Variants in PDE1C observed in about 807,000 individuals in gnomAD.
PDE1C encodes dual specificity calcium/calmodulin-dependent 3',5'-cyclic nucleotide phosphodiesterase 1C.
In PDE1C, 62 loss-of-function variants were observed where a neutral mutation model predicts 93.1. That is an observed-to-expected ratio of 0.67 (90% CI 0.54 to 0.82). The LOEUF is 0.82. PDE1C is among the 40% of genes least tolerant of loss of function. The pLI is 0.00. For synonymous variants in PDE1C, 325 were observed against 310.1 expected (o/e 1.05, Z -0.50); for missense variants, 742 against 884.6 (o/e 0.84, Z 2.04).
intron 2 of PDE1C, among the ~76,000 whole-genome samples, chr7:32,045,390 A>C (rs1792408816): frequency 6.6e-6 from 1 of 152,134 alleles, no homozygotes; most frequent in African/African-American, 2.4e-5. Context: ...TAAACTGGAC[A>C]CATTCTCATG....
chr7:32,207,838 G>A (rs777994759), intron 2 of PDE1C, among the ~76,000 whole-genome samples: 9 of 152,180 alleles, frequency 5.9e-5, no homozygotes, highest in Non-Finnish European at 8.8e-5. Flanking sequence ...TGCAAGGACC[G>A]CCCTCCCCCC....
At chr7:31,707,558 A>G in the PDE1C span, 1 of 379,718 alleles carries the variant, frequency 2.6e-6, no homozygotes. Context: ...TAACAGGGAA[A>G]GCACTGGGGT....
the PDE1C span, among the ~76,000 whole-genome samples, chr7:31,700,421 A>G: frequency 6.6e-6 from 1 of 152,338 alleles, no homozygotes; most frequent in South Asian, 2.1e-4. Context: ...AGCAGAGAAG[A>G]AAAGTTGGAA....
At chr7:32,030,227 G>C (rs1232102679) in intron 2 of PDE1C, among the ~76,000 whole-genome samples, 2 of 151,804 alleles carry the variant, frequency 1.3e-5, no homozygotes, top group Non-Finnish European at 2.9e-5. Context: ...CTTCTCAGTA[G>C]TATTTTTTTA....
chr7:31,906,606 A>G (rs115018098), intron 2 of PDE1C, among the ~76,000 whole-genome samples: 1,575 of 152,296 alleles, frequency 0.01, 12 homozygotes, highest in South Asian at 0.031. Context: ...ATAGGCTACA[A>G]AGAGAAGGGA....
intron 3 of PDE1C, among the ~76,000 whole-genome samples, chr7:32,165,496 G>A (rs1256126671): frequency 6.6e-6 from 1 of 152,162 alleles, no homozygotes; most frequent in Non-Finnish European, 1.5e-5. Flanking sequence ...GGAGGCCTCA[G>A]GAAACTTACA....
At chr7:32,123,525 T>C (rs1306771221) in intron 3 of PDE1C, among the ~76,000 whole-genome samples, 3 of 152,258 alleles carry the variant, frequency 2.0e-5, no homozygotes, top group Admixed American at 1.3e-4. Flanking sequence ...GTTGGCTTCA[T>C]CCCTGGGATG....
chr7:31,924,039 A>C (rs774817724), intron 2 of PDE1C, among the ~76,000 whole-genome samples: 3 of 152,234 alleles, frequency 2.0e-5, no homozygotes, highest in Non-Finnish European at 2.9e-5. Flanking sequence ...CTTGAGTTTT[A>C]AAATCCTGAT....
At chr7:32,170,010 T>G in intron 2 of PDE1C, 2 of 1,493,266 alleles carry the variant, frequency 1.3e-6, no homozygotes, top group Non-Finnish European at 1.8e-6. Context: ...GTTGACTCCA[T>G]GTCCTGCCTT....
the PDE1C span, among the ~76,000 whole-genome samples, chr7:31,687,538 G>A: frequency 1.3e-5 from 2 of 152,216 alleles, no homozygotes; most frequent in African/African-American, 4.8e-5. Context: ...CATTTGCAAA[G>A]TTTCAAGATG....
rs1791235406 is a variant in PDE1C, at chr7:31,837,282, G to C, written c.1101C>G (p.Ala367=). The change falls in exon 11 of 18, where the codon GCC becomes GCG. Residue 367 remains alanine (A), a synonymous_variant. Transcript: ENST00000396191. ...QQPEAIEKPK[A]LSLMLHTADI... The stretch of plus-strand genomic sequence containing the variant: ...CTGCTGTATGCAGCATAAGGGATAA[G>C]GCTTTTGGCTTTTCAATGCTGTAAA... 6.2e-7 allele frequency: 1 copy of C among 1,611,304 alleles called. No individual in the cohort carries two copies. Among genetic ancestry groups the C allele is most frequent in the East Asian group, 2.2e-5 (1 of 44,700 alleles).
At chr7:31,702,167 G>C in the PDE1C span, among the ~76,000 whole-genome samples, 1 of 151,234 alleles carries the variant, frequency 6.6e-6, no homozygotes, top group Admixed American at 6.6e-5. Context: ...TTCTGCCTTA[G>C]AATTGTGATA....
intron 17 of PDE1C, among the ~76,000 whole-genome samples, chr7:31,774,576 A>G (rs1202463683): frequency 6.6e-6 from 1 of 152,272 alleles, no homozygotes; most frequent in Non-Finnish European, 1.5e-5. Context: ...ACTTATGTAC[A>G]AGAATGTAAG....
intron 3 of PDE1C, among the ~76,000 whole-genome samples, chr7:32,091,843 A>G (rs964037882): frequency 3.3e-5 from 5 of 152,198 alleles, no homozygotes; most frequent in Non-Finnish European, 7.3e-5. Context: ...TGGGTTGAGA[A>G]TAGACCATGA....
At chr7:32,054,307 A>G (rs1304496103) in intron 1 of PDE1C, among the ~76,000 whole-genome samples, 1 of 152,054 alleles carries the variant, frequency 6.6e-6, no homozygotes, top group Admixed American at 6.5e-5. Flanking sequence ...ACCTAACTTC[A>G]CCCACACTAG....
At chr7:32,008,430 A>T (rs1731400232) in intron 2 of PDE1C, among the ~76,000 whole-genome samples, 1 of 152,182 alleles carries the variant, frequency 6.6e-6, no homozygotes, top group Admixed American at 6.5e-5. Context: ...TAGACAAAGG[A>T]ACTCGAGGTC....
the PDE1C span, among the ~76,000 whole-genome samples, chr7:31,663,174 G>T: frequency 2.6e-5 from 4 of 152,128 alleles, no homozygotes; most frequent in African/African-American, 9.7e-5. Flanking sequence ...GCTCTGGCTA[G>T]AAAACTGTGG....
At chr7:32,095,848 G>C (rs907006540) in intron 3 of PDE1C, among the ~76,000 whole-genome samples, 5 of 152,142 alleles carry the variant, frequency 3.3e-5, no homozygotes, top group African/African-American at 1.2e-4. Flanking sequence ...CTGCAGAATA[G>C]GCAGTCGACT....
At chr7:32,354,727 CAT>C (rs3079628) in intron 1 of PDE1C, among the ~76,000 whole-genome samples, 13,497 of 152,260 alleles carry the variant, frequency 0.089, 698 homozygotes, top group East Asian at 0.13. Flanking sequence ...CATTGCCACT[CAT>C]GTGTAATTTG....
Sources: gnomAD v4.1 joint callset for allele counts (sites outside exome capture counted in the v4.1 genomes callset) on GRCh38, gnomAD v4.1.1 for gene constraint, MANE v1.5 for transcripts, NCBI Gene and HGNC (gene_info 2026-07-23, HGNC 2026-07-21) for gene names.